ABCA9: variants seen among roughly 807,000 people sequenced by gnomAD.
ABCA9 encodes the protein ATP-binding cassette sub-family A member 9.
A neutral mutation model predicts 205.3 loss-of-function variants in ABCA9; 183 were observed. The observed-to-expected ratio is 0.89, with a 90% CI of 0.79 to 1.01. The LOEUF (loss-of-function observed/expected upper bound fraction) is 1.01. Among genes scored for constraint, ABCA9 ranks in the 50% least tolerant of loss-of-function variants. ABCA9 has a pLI of 0.00. For missense variants in ABCA9, 1,805 were observed against 1,912.4 expected (o/e 0.94, Z 1.05); for synonymous variants, 651 against 683.3 (o/e 0.95, Z 0.74).
chr17:68,986,433 A>G, intron 31 of ABCA9, 109 bp from the exon 32 acceptor site: 1 of 1,115,448 alleles, frequency 9.0e-7, no homozygotes, highest in Non-Finnish European at 1.2e-6. Context: ...ACAGGTGCTA[A>G]GTGCACAAAT....
chr17:69,018,304 G>T, intron 20 of ABCA9, 109 bp downstream of exon 20: 1 of 1,006,538 alleles, frequency 9.9e-7, no homozygotes, highest in Non-Finnish European at 1.4e-6. Flanking sequence ...CCTCATATAT[G>T]CTTTCTAAAA....
At chr17:69,049,762 T>G (rs6501957) in intron 2 of ABCA9, among the ~76,000 whole-genome samples, 132,365 of 152,016 alleles carry the variant, frequency 0.87, 58,573 homozygotes, top group East Asian at 1. Flanking sequence ...ATAAAGCCTG[T>G]ATTACTTTAT....
chr17:69,066,113 GC>G, the ABCA9 span, among the ~76,000 whole-genome samples: 1 of 152,114 alleles, frequency 6.6e-6, no homozygotes, highest in Non-Finnish European at 1.5e-5. Context: ...TGATACCCTT[GC>G]CCTCATTGCA....
intron 15 of ABCA9, 48 bp downstream of exon 15, chr17:69,026,928 A>G: frequency 6.2e-7 from 1 of 1,600,288 alleles, no homozygotes; most frequent in Admixed American, 1.7e-5. Flanking sequence ...CATATTCCAC[A>G]CTGTCTCTAA....
intron 2 of ABCA9, 137 bp from the exon 3 acceptor site, chr17:69,049,627 T>C: frequency 2.8e-6 from 2 of 725,318 alleles, no homozygotes; most frequent in Non-Finnish European, 4.3e-6. Context: ...TTTTTAAATA[T>C]CCTGATTTTC....
chr17:68,990,864 A>G lies in ABCA9; in HGVS notation c.3810T>C (p.Asn1270=). ...DIQMERMRTV[N]AMAVRDFDET... ...CATCAAAGTCTCGCACAGCCATAGC[A>G]TTCACTGTTCTCATTCTTTCCATCT... Residue 1270 remains asparagine, a synonymous_variant, in exon 29 of 39, where the codon AAT becomes AAC. Coordinates refer to ENST00000340001, the MANE Select transcript of ABCA9 (RefSeq NM_080283.4). 6.2e-7 allele frequency: 1 copy of G among 1,613,920 alleles called. No homozygotes were observed. The highest frequency in any genetic ancestry group is 8.5e-7 in the Non-Finnish European group (1 of 1,179,902).
In ABCA9 at chr17:69,021,008, A is replaced by G. The variant is rs569970720; in HGVS notation, c.2402-422T>C. ...GAAACGATATTTTTAAAATATAACC[A>G]TGGTTAAAAGCAAGATAAAAGTTAC... On this transcript the variant is annotated intron_variant, in intron 18 of 38. Coordinates refer to ENST00000340001, the MANE Select transcript of ABCA9 (RefSeq NM_080283.4). Among the ~76,000 whole-genome samples, 7 of 152,300 alleles carry G rather than the reference A, an allele frequency of 4.6e-5. No homozygotes were observed. The Middle Eastern group carries it at 0.01, about 222-fold the overall frequency.
upstream of ABCA9, among the ~76,000 whole-genome samples, chr17:69,062,172 A>G (rs935332628): frequency 6.6e-6 from 1 of 152,034 alleles, no homozygotes; most frequent in Admixed American, 6.6e-5. Context: ...GATTGTTTCC[A>G]TATGTCTACA....
chr17:69,059,723 G>A (rs1346721109), intron 1 of ABCA9, among the ~76,000 whole-genome samples: 1 of 151,798 alleles, frequency 6.6e-6, no homozygotes, highest in Admixed American at 6.6e-5. Flanking sequence ...CAGGGTTGGG[G>A]GAAGGAGTCC....
chr17:69,027,099 C>T lies in ABCA9; in HGVS notation c.1927G>A (p.Glu643Lys). 1 of 1,614,026 alleles carries T rather than the reference C, an allele frequency of 6.2e-7. No individual in the cohort carries two copies. The highest frequency in any genetic ancestry group is 1.3e-5 in the African/African-American group (1 of 75,042). ...LGDPQVLLLDEPTAGLDPLSR... is the reference protein window; with the variant it reads ...LGDPQVLLLDKPTAGLDPLSR... Reference sequence around the variant, plus strand: ...AGAGGATCCAATCCAGCAGTCGGTTCATCCAATAGCAAAACCTGGACAGGA... The same window carrying T: ...AGAGGATCCAATCCAGCAGTCGGTTTATCCAATAGCAAAACCTGGACAGGA... Residue 643 changes from glutamate to lysine, a missense_variant, in exon 15 of 39, where the codon GAA (glutamate) becomes AAA (lysine). Coordinates refer to ENST00000340001, the MANE Select transcript of ABCA9 (RefSeq NM_080283.4).
At chr17:69,025,915 C>A (rs1194026118) in intron 16 of ABCA9, among the ~76,000 whole-genome samples, 1 of 151,340 alleles carries the variant, frequency 6.6e-6, no homozygotes. Flanking sequence ...TTAGTAAGTA[C>A]CTAAAACATA....
At chr17:68,994,569 T>C (rs1324790080) in intron 26 of ABCA9, among the ~76,000 whole-genome samples, 1 of 152,164 alleles carries the variant, frequency 6.6e-6, no homozygotes, top group Non-Finnish European at 1.5e-5. Flanking sequence ...TTTTCACATC[T>C]TTTTTTCTCC....
chr17:69,054,241 C>A (rs919701552), intron 1 of ABCA9, among the ~76,000 whole-genome samples: 3 of 152,008 alleles, frequency 2.0e-5, no homozygotes, highest in African/African-American at 7.2e-5. Flanking sequence ...TATATATAAG[C>A]CTGGACACAG....
chr17:69,008,083 T>G lies in ABCA9; in HGVS notation c.3300A>C (p.Ile1100=). 1 of 1,608,364 alleles carries G rather than the reference T, an allele frequency of 6.2e-7. No homozygotes were observed. The highest frequency in any genetic ancestry group is 8.5e-7 in the Non-Finnish European group (1 of 1,177,574). ...TTACTTGAATTAACAGGTTTTGAAT[T>G]ATAAATATAATCTCCTCTGGGCTAA... The part of the protein sequence containing the change: ...YIFSPEEIIF[I]IQNLLIQILC... The change falls in exon 24 of 39, where the codon ATA becomes ATC. Residue 1100 remains isoleucine, a synonymous_variant. Transcript: ENST00000340001.
At chr17:69,036,250 A>C (rs996856324) in intron 6 of ABCA9, among the ~76,000 whole-genome samples, 6 of 152,172 alleles carry the variant, frequency 3.9e-5, no homozygotes, top group African/African-American at 1.4e-4. Flanking sequence ...TTCTGTTGCC[A>C]TTGTAGCACA....
At chr17:69,021,652 G>C in intron 18 of ABCA9, 90 bp downstream of exon 18, 1 of 840,460 alleles carries the variant, frequency 1.2e-6, no homozygotes, top group Non-Finnish European at 1.8e-6. Flanking sequence ...ATAAAATACT[G>C]CACACAAAGA....
chr17:69,007,344 T>C (rs112273407), intron 25 of ABCA9, among the ~76,000 whole-genome samples: 3 of 152,060 alleles, frequency 2.0e-5, no homozygotes, highest in Admixed American at 6.5e-5. Flanking sequence ...GAGGTTGCAG[T>C]GAGCTGAGAT....
At chr17:68,989,955 G>A (rs751917114) in intron 29 of ABCA9, 25 bp from the exon 30 acceptor site, 35 of 1,511,142 alleles carry the variant, frequency 2.3e-5, no homozygotes, top group African/African-American at 9.7e-5. Context: ...AAATAACAAC[G>A]GGACTTTATT....
At chr17:69,060,756 A>T in intron 1 of ABCA9, 110 bp downstream of exon 1, 1 of 720,304 alleles carries the variant, frequency 1.4e-6, no homozygotes, top group Non-Finnish European at 1.7e-6. Flanking sequence ...ATGACTCGTT[A>T]ATAACTTACT....
Sources: allele counts gnomAD v4.1 joint callset (sites outside exome capture counted in the v4.1 genomes callset), GRCh38; gene constraint gnomAD v4.1.1; transcripts MANE v1.5; gene names NCBI Gene and HGNC (gene_info 2026-07-23, HGNC 2026-07-21).